Variants in CLN3 observed in about 807,000 individuals in gnomAD.
CLN3 encodes CLN3 lysosomal/endosomal transmembrane protein, battenin.
Under a neutral mutation model 60.7 loss-of-function variants are expected in CLN3, and 49 were observed. The ratio of observed to expected loss-of-function variants is 0.81; its 90% CI spans 0.64 to 1.02. The LOEUF (loss-of-function observed/expected upper bound fraction) is 1.02, where lower values mean the gene tolerates loss of function less well. Among genes scored for constraint, CLN3 ranks in the 50% least tolerant of loss-of-function variants. The pLI is 0.00. For missense variants in CLN3, 516 were observed against 557.4 expected, an observed-to-expected ratio of 0.93 and a Z score of 0.75; for synonymous variants, 256 against 245.8, an observed-to-expected ratio of 1.04 and a Z score of -0.39.
At chr16:28,490,559 G>A (rs543213584) in intron 3 of CLN3, 4 of 151,520 alleles carry the variant, frequency 2.6e-5, no homozygotes, top group Non-Finnish European at 5.9e-5. Context: ...AGGAGATCGA[G>A]ACCATCCTGG....
At chr16:28,478,617 TAAAAAAAAA>T (rs766238150) in intron 14 of CLN3, among the ~76,000 whole-genome samples, 33,161 of 73,942 alleles carry the variant, frequency 0.45, 4,884 homozygotes, top group Non-Finnish European at 0.5. Flanking sequence ...TCCTGTCTCA[TAAAAAAAAA>T]AAAAAAAAAA....
chr16:28,487,629 G>A (rs2046242983), intron 6 of CLN3, 33 bp downstream of exon 6: 1 of 1,603,044 alleles, frequency 6.2e-7, no homozygotes, highest in Admixed American at 1.7e-5. Flanking sequence ...CTCAGCTCCT[G>A]CCCACCCTGC....
At chr16:28,484,497 T>G (rs1185176618) in intron 9 of CLN3, 1 of 252,696 alleles carries the variant, frequency 4.0e-6, no homozygotes, top group African/African-American at 2.2e-5. Flanking sequence ...TACAGGCACG[T>G]GCCACCAAGC....
In CLN3 at chr16:28,477,568, A is replaced by G. The variant is rs2046014482; in HGVS notation, c.1265T>C (p.Leu422Pro). Residue 422 changes from leucine to proline, a missense_variant, in exon 16 of 16, where the codon CTG (leucine) becomes CCG (proline). Transcript: ENST00000636147. ...CAGAGGCAAAGCCAGGAGCCCCGAC[A>G]GGGAGATCCCCAGTGTGTCAGAGAT... Reference protein sequence around the residue: ...TCISDTLGISLSGLLALPLHD... With the variant: ...TCISDTLGISPSGLLALPLHD... The G allele has an allele frequency of 6.2e-7, 1 of 1,613,972 alleles. No homozygotes were observed. Among genetic ancestry groups the G allele is most frequent in the Non-Finnish European group, 8.5e-7 (1 of 1,180,006 alleles).
chr16:28,482,404 G>A (rs765304326), intron 12 of CLN3, 22 bp from the exon 13 acceptor site: 1 of 1,613,864 alleles, frequency 6.2e-7, no homozygotes, highest in African/African-American at 1.3e-5. Flanking sequence ...ACCAGACAGG[G>A]GAGATGGACG....
chr16:28,485,760 C>T (rs969766755), intron 9 of CLN3, among the ~76,000 whole-genome samples: 2 of 150,172 alleles, frequency 1.3e-5, no homozygotes, highest in African/African-American at 4.9e-5. Flanking sequence ...CCTTGGGAAC[C>T]ACACTGTGCT....
chr16:28,472,800 CAAAAAAAA>C (rs34795595), downstream of CLN3, among the ~76,000 whole-genome samples: 2 of 85,042 alleles, frequency 2.4e-5, no homozygotes, highest in Non-Finnish European at 4.5e-5. Flanking sequence ...AACTCTGTTT[CAAAAAAAA>C]AAAAAAAAAA....
intron 3 of CLN3, chr16:28,490,921 A>G (rs1414977361): frequency 6.6e-6 from 1 of 152,436 alleles, no homozygotes; most frequent in Non-Finnish European, 1.5e-5. Context: ...AAATATAAAA[A>G]TTAGGCAGAT....
intron 3 of CLN3, 102 bp downstream of exon 3, chr16:28,491,380 G>A (rs1280634088): frequency 2.0e-6 from 3 of 1,477,462 alleles, no homozygotes; most frequent in South Asian, 1.2e-5. Context: ...AATATTTGTG[G>A]GTTCAGCTCC....
At chr16:28,490,288 C>T (rs1424545758) in intron 3 of CLN3, 1 of 151,238 alleles carries the variant, frequency 6.6e-6, no homozygotes, top group Non-Finnish European at 1.5e-5. Context: ...ACTAAAAATA[C>T]AAAAAATTAG....
intron 6 of CLN3, 25 bp downstream of exon 6, chr16:28,487,637 T>C (rs765217714): frequency 6.2e-7 from 1 of 1,608,244 alleles, no homozygotes; most frequent in Non-Finnish European, 8.5e-7. Flanking sequence ...CTGCCCACCC[T>C]GCCTCCCACT....
intron 1 of CLN3, 65 bp from the exon 2 acceptor site, chr16:28,491,900 C>A (rs1035560645): frequency 9.0e-7 from 1 of 1,106,066 alleles, no homozygotes; most frequent in Non-Finnish European, 1.3e-6. Flanking sequence ...CTAGGGCACT[C>A]GCGCCCCGCG....
At chr16:28,487,912 A>T (rs1471950256) in intron 5 of CLN3, 171 bp from the exon 6 acceptor site, 11 of 648,596 alleles carry the variant, frequency 1.7e-5, no homozygotes, top group Non-Finnish European at 3.1e-5. Flanking sequence ...GTTGTGTGTC[A>T]AGAGTTTATA....
chr16:28,469,215 T>A (rs1457047625), downstream of CLN3, among the ~76,000 whole-genome samples: 2 of 124,590 alleles, frequency 1.6e-5, no homozygotes, highest in Non-Finnish European at 3.8e-5. Flanking sequence ...CGCATCTGTA[T>A]ACGCGAAATT....
intron 5 of CLN3, chr16:28,488,076 T>C (rs917494083): frequency 3.7e-6 from 1 of 269,686 alleles, no homozygotes; most frequent in Admixed American, 4.7e-5. Flanking sequence ...AGTCTCATTC[T>C]GCCACCCAGG....
chr16:28,470,809 T>A (rs2045945428), downstream of CLN3, among the ~76,000 whole-genome samples: 1 of 144,446 alleles, frequency 6.9e-6, no homozygotes, highest in South Asian at 2.4e-4. Context: ...ACGGAGAAGA[T>A]CAGGGAAGCA....
downstream of CLN3, chr16:28,476,171 G>C (rs1384755969): frequency 6.6e-6 from 1 of 152,116 alleles, no homozygotes; most frequent in Non-Finnish European, 1.5e-5. Flanking sequence ...ACAGGTGTGA[G>C]CCACAGTGCC....
At chr16:28,477,037 T>C (rs1212248032), downstream of CLN3, 3 of 213,080 alleles carry the variant, frequency 1.4e-5, no homozygotes, top group East Asian at 1.2e-4. Flanking sequence ...CTCGGGAGGC[T>C]GAGGCAGGAG....
At position 28,477,542 on chromosome 16, in the gene CLN3, G is replaced by A. The variant is rs759510380; in HGVS notation, c.1291C>T (p.His431Tyr). The change falls in exon 16 of 16, where the codon CAT (histidine) becomes TAT (tyrosine). Residue 431 changes from histidine (H) to tyrosine (Y), a missense_variant. By Grantham distance (83) the His-to-Tyr change is moderately conservative. Transcript: ENST00000636147. ...SLSGLLALPL[H>Y]DFLCQLS ...CAGGAGAGCTGGCAGAGGAAGTCATGCAGAGGCAAAGCCAGGAGCCCCGAC... is the reference window on the plus strand; with the variant it reads ...CAGGAGAGCTGGCAGAGGAAGTCATACAGAGGCAAAGCCAGGAGCCCCGAC... The A allele has an allele frequency of 1.9e-6, 3 of 1,613,744 alleles. No individual in the cohort carries two copies. The highest frequency in any genetic ancestry group is 2.2e-5 in the South Asian group (2 of 91,080).
Sources: allele counts gnomAD v4.1 joint callset (sites outside exome capture counted in the v4.1 genomes callset), GRCh38; gene constraint gnomAD v4.1.1; transcripts MANE v1.5; gene names NCBI Gene and HGNC (gene_info 2026-07-23, HGNC 2026-07-21).